Variants in EYS observed in about 807,000 individuals in gnomAD.
EYS encodes the protein EGF-like photoreceptor maintenance factor.
In EYS, 250 loss-of-function variants were observed where a neutral mutation model predicts 282.1. That is an observed-to-expected ratio of 0.89 (90% CI 0.80 to 0.98). EYS has a LOEUF of 0.98. EYS is among the 50% of genes least tolerant of loss of function. The pLI is 0.00. For synonymous variants in EYS, 1,355 were observed against 1,282.9 expected (o/e 1.06, Z -1.20); for missense variants, 4,016 against 3,709.0 (o/e 1.08, Z -2.15).
At chr6:63,830,770 T>G (rs894414464) in intron 36 of EYS, among the ~76,000 whole-genome samples, 1 of 152,146 alleles carries the variant, frequency 6.6e-6, no homozygotes, top group Non-Finnish European at 1.5e-5. Context: ...ATTGTCAGAT[T>G]CACCAAAGTC....
At chr6:64,526,549 C>T (rs1777925765) in intron 26 of EYS, among the ~76,000 whole-genome samples, 1 of 151,626 alleles carries the variant, frequency 6.6e-6, no homozygotes, top group East Asian at 1.9e-4. Context: ...ATAGGTTGTA[C>T]CATCTCTGTT....
intron 9 of EYS, among the ~76,000 whole-genome samples, chr6:65,350,660 T>C (rs1770564517): frequency 6.6e-6 from 1 of 151,702 alleles, no homozygotes; most frequent in Non-Finnish European, 1.5e-5. Flanking sequence ...ACTTCGCAAC[T>C]CTTTATCCAC....
chr6:64,641,748 G>A (rs565291242), intron 22 of EYS, among the ~76,000 whole-genome samples: 1 of 152,172 alleles, frequency 6.6e-6, no homozygotes, highest in African/African-American at 2.4e-5. Context: ...CGGTGGGTAA[G>A]GGAGCGTTAC....
At position 64,413,892 on chromosome 6, in the gene EYS, A is replaced by C. The variant is rs558470229; in HGVS notation, c.5927+22282T>G. On this transcript the variant is annotated intron_variant, in intron 28 of 42. Transcript: ENST00000503581. ...GTTAGGTCATGGAGGCAGATTCCTC[A>C]TGAATAAGATTAGTGCCTTTAGAAG... is the stretch of plus-strand genomic sequence containing the variant. 5.3e-5 allele frequency among the ~76,000 whole-genome samples: 8 copies of C among 152,294 alleles called. No homozygotes were observed. The South Asian group carries it at 1.4e-3, about 28-fold the overall frequency.
intron 12 of EYS, among the ~76,000 whole-genome samples, chr6:65,178,545 A>T (rs1765288563): frequency 6.6e-6 from 1 of 152,032 alleles, no homozygotes; most frequent in Non-Finnish European, 1.5e-5. Flanking sequence ...ATACAGGAGC[A>T]CCCAGATTCA....
At chr6:64,144,190 A>C (rs944134945) in intron 31 of EYS, among the ~76,000 whole-genome samples, 2 of 152,166 alleles carry the variant, frequency 1.3e-5, no homozygotes, top group African/African-American at 4.8e-5. Flanking sequence ...GAAGAGTGTT[A>C]TAGGTCTAGA....
chr6:64,163,299 TATTTC>T (rs1378877284), intron 31 of EYS, among the ~76,000 whole-genome samples: 2 of 152,242 alleles, frequency 1.3e-5, no homozygotes, highest in East Asian at 3.9e-4. Context: ...TATTAGCTCT[TATTTC>T]AATCATTTCG....
intron 5 of EYS, among the ~76,000 whole-genome samples, chr6:65,459,993 TA>T (rs2150408832): frequency 7.2e-6 from 1 of 138,244 alleles, no homozygotes; most frequent in South Asian, 2.2e-4. Context: ...TATATATATA[TA>T]TATATATATA....
intron 19 of EYS, among the ~76,000 whole-genome samples, chr6:64,828,371 A>C (rs1403721317): frequency 6.6e-6 from 1 of 151,912 alleles, no homozygotes; most frequent in African/African-American, 2.4e-5. Context: ...GATTTGACTA[A>C]ATTGATGGAA....
intron 40 of EYS, among the ~76,000 whole-genome samples, chr6:63,776,632 T>G (rs988291718): frequency 2.6e-5 from 4 of 152,218 alleles, no homozygotes; most frequent in African/African-American, 7.2e-5. Flanking sequence ...AATTTCTATA[T>G]TAATCAAAAT....
intron 13 of EYS, among the ~76,000 whole-genome samples, chr6:65,037,666 C>A (rs899542557): frequency 1.3e-5 from 2 of 151,486 alleles, no homozygotes; most frequent in East Asian, 3.9e-4. Context: ...GGTAAGGCTC[C>A]CAGTCAAGAG....
intron 22 of EYS, among the ~76,000 whole-genome samples, chr6:64,744,415 A>T (rs531220897): frequency 2.1e-4 from 32 of 152,174 alleles, no homozygotes; most frequent in Non-Finnish European, 1.6e-4. Flanking sequence ...CAATCAAGGC[A>T]TCTTATCACC....
chr6:64,380,186 T>G (rs1180391943), intron 29 of EYS, among the ~76,000 whole-genome samples: 1 of 152,192 alleles, frequency 6.6e-6, no homozygotes, highest in Non-Finnish European at 1.5e-5. Context: ...GTAAAGATTT[T>G]GGCTTGAGTA....
At chr6:63,983,269 G>T (rs1767188897) in intron 35 of EYS, among the ~76,000 whole-genome samples, 1 of 151,720 alleles carries the variant, frequency 6.6e-6, no homozygotes, top group African/African-American at 2.4e-5. Flanking sequence ...CAGTGAATCA[G>T]AAGCCAAATT....
rs1772491494 is a variant in EYS at position 65,028,476 on chromosome 6, TAC to T, written c.2137+29136_2137+29137del. On this transcript the variant is annotated intron_variant, in intron 13 of 42. Coordinates refer to ENST00000503581, the MANE Select transcript of EYS (RefSeq NM_001142800.2). The stretch of plus-strand genomic sequence containing the variant: ...ATCATAGTACAATTACAAAAACCAA[TAC>T]TATTGACTATAGTTAATAATAATGT... Among the ~76,000 whole-genome samples the T allele has an allele frequency of 2.6e-5, 4 of 152,134 alleles. No individual in the cohort carries two copies. The South Asian group carries it at 8.3e-4, about 31-fold the overall frequency.
chr6:65,092,964 C>T (rs1267459154), intron 12 of EYS, among the ~76,000 whole-genome samples: 1 of 152,054 alleles, frequency 6.6e-6, no homozygotes, highest in Admixed American at 6.6e-5. Flanking sequence ...AAATGACATT[C>T]AGATTTACAA....
chr6:64,785,731 G>A (rs753204828), intron 22 of EYS, among the ~76,000 whole-genome samples: 1 of 152,102 alleles, frequency 6.6e-6, no homozygotes, highest in African/African-American at 2.4e-5. Context: ...AATATTTGTT[G>A]CACTTTGATT....
intron 34 of EYS, among the ~76,000 whole-genome samples, chr6:63,997,785 T>A (rs1190883612): frequency 1.3e-5 from 2 of 152,210 alleles, no homozygotes; most frequent in African/African-American, 4.8e-5. Flanking sequence ...GGATTCTATG[T>A]GTTAAAAATG....
chr6:64,660,135 C>A (rs927515705), intron 22 of EYS, among the ~76,000 whole-genome samples: 2 of 152,096 alleles, frequency 1.3e-5, no homozygotes, highest in Non-Finnish European at 2.9e-5. Context: ...ACGACAAAAA[C>A]CACATGATTA....
Sources: gnomAD v4.1 joint callset for allele counts (sites outside exome capture counted in the v4.1 genomes callset) on GRCh38, gnomAD v4.1.1 for gene constraint, MANE v1.5 for transcripts, NCBI Gene and HGNC (gene_info 2026-07-23, HGNC 2026-07-21) for gene names.